OTC: variants seen among roughly 807,000 people sequenced by gnomAD.
OTC encodes ornithine transcarbamylase, mitochondrial.
A neutral mutation model predicts 30.3 loss-of-function variants in OTC; 3 were observed. That is an observed-to-expected ratio of 0.10 (90% CI 0.05 to 0.26). The LOEUF (loss-of-function observed/expected upper bound fraction) is 0.26. Ranked by LOEUF, OTC falls within the 10% of genes least tolerant of loss-of-function variation. OTC has a pLI of 1.00. For missense variants in OTC, 194 were observed against 260.3 expected (o/e 0.75, Z 1.75); for synonymous variants, 111 against 99.7 (o/e 1.11, Z -0.67).
chrX:38,406,717 A>T (rs2068517601), intron 6 of OTC, among the ~76,000 whole-genome samples: 1 of 112,071 alleles, frequency 8.9e-6, no homozygotes, highest in South Asian at 3.7e-4. Context: ...CTCTTCATTT[A>T]TGTTTACCAG....
the OTC span, among the ~76,000 whole-genome samples, chrX:38,340,942 G>A: frequency 4.5e-5 from 5 of 110,175 alleles, no homozygotes; most frequent in African/African-American, 6.6e-5. Flanking sequence ...GATTACAGGC[G>A]CCTGCTACCA....
At chrX:38,330,675 A>G in the OTC span, among the ~76,000 whole-genome samples, 3 of 111,990 alleles carry the variant, frequency 2.7e-5, no homozygotes, top group Non-Finnish European at 5.6e-5. Flanking sequence ...CCATGCAGCA[A>G]TGCACACACA....
chrX:38,364,463 T>C (rs1257220840), intron 1 of OTC, among the ~76,000 whole-genome samples: 1 of 111,982 alleles, frequency 8.9e-6, no homozygotes, highest in Non-Finnish European at 1.9e-5. Flanking sequence ...GTAATTTCTA[T>C]TTGTAGTTGA....
chrX:38,363,283 A>C (rs925399767), intron 1 of OTC, among the ~76,000 whole-genome samples: 5 of 112,107 alleles, frequency 4.5e-5, no homozygotes, highest in Non-Finnish European at 9.4e-5. Context: ...CCCTTTTAAA[A>C]TAATATTAGA....
chrX:38,407,315 G>C (rs1336047113), intron 6 of OTC, among the ~76,000 whole-genome samples: 3 of 112,369 alleles, frequency 2.7e-5, no homozygotes, highest in East Asian at 2.8e-4. Flanking sequence ...GTGCCCAAAG[G>C]GGGCTGACAG....
chrX:38,370,268 G>A lies in OTC; in HGVS notation c.298+391G>A, dbSNP rs185020323. Reference sequence around the variant, plus strand: ...TAGATGGTGGAAATTTAATCTTTGCGATGTTAGGCAATCCTCAGTTGTTTT... The same window carrying A: ...TAGATGGTGGAAATTTAATCTTTGCAATGTTAGGCAATCCTCAGTTGTTTT... On this transcript the variant is annotated intron_variant, in intron 3 of 9. Coordinates refer to ENST00000039007, the MANE Select transcript of OTC (RefSeq NM_000531.6). 8.9e-5 allele frequency among the ~76,000 whole-genome samples: 10 copies of A among 112,216 alleles called. No individual in the cohort carries two copies. The East Asian group carries it at 2.2e-3, about 25-fold the overall frequency.
chrX:38,403,409 G>A (rs2068499047), intron 5 of OTC, among the ~76,000 whole-genome samples: 1 of 104,971 alleles, frequency 9.5e-6, no homozygotes. Flanking sequence ...ATGGTGTCTT[G>A]GTTTAAGATA....
Position 38,421,052 on chromosome X carries a change from C to T in OTC, c.1035C>T (p.Tyr345=). The T allele has an allele frequency of 8.3e-7, 1 of 1,201,774 alleles. No homozygotes were observed. Among genetic ancestry groups the T allele is most frequent in the Non-Finnish European group, 1.1e-6 (1 of 886,668 alleles). ...TCATGGTGTCCCTGCTGACAGATTA[C>T]TCACCTCAGCTCCAGAAGCCTAAAT... The part of the protein sequence containing the change: ...MAVMVSLLTD[Y]SPQLQKPKF The change falls in exon 10 of 10, where the codon TAC becomes TAT. Residue 345 remains tyrosine, a synonymous_variant. Transcript: ENST00000039007.
chrX:38,362,742 C>G (rs192894085), intron 1 of OTC, among the ~76,000 whole-genome samples: 1 of 111,805 alleles, frequency 8.9e-6, no homozygotes, highest in African/African-American at 3.2e-5. Flanking sequence ...TGAGGAAGCC[C>G]CAGAAACTTG....
intron 5 of OTC, 134 bp from the exon 6 acceptor site, chrX:38,403,483 CA>C (rs2068499906): frequency 1.1e-5 from 7 of 640,537 alleles, no homozygotes; most frequent in East Asian, 3.4e-5. Context: ...CTGTGTAATG[CA>C]AAAAAATTGG....
At chrX:38,412,853 AG>A (rs1270252052) in intron 9 of OTC, among the ~76,000 whole-genome samples, 7 of 112,281 alleles carry the variant, frequency 6.2e-5, no homozygotes, top group Non-Finnish European at 1.3e-4. Context: ...CCATATAGCC[AG>A]GGACAACACA....
chrX:38,366,910 A>T (rs2068298955), intron 1 of OTC, among the ~76,000 whole-genome samples: 1 of 112,073 alleles, frequency 8.9e-6, no homozygotes, highest in Admixed American at 9.5e-5. Context: ...AAGAATAAGA[A>T]GATAAAGCAT....
chrX:38,401,537 C>A (rs756675525), intron 5 of OTC, 109 bp downstream of exon 5: 191 of 621,727 alleles, frequency 3.1e-4, no homozygotes, highest in Non-Finnish European at 4.8e-4. Context: ...TTTTCAAATA[C>A]CAGCTTGACA....
chrX:38,367,316 G>A lies in OTC; in HGVS notation c.103G>A (p.Val35Met). 8.3e-7 allele frequency: 1 copy of A among 1,206,331 alleles called. No homozygotes were observed. Among genetic ancestry groups the A allele is most frequent in the Non-Finnish European group, 1.1e-6 (1 of 890,663 alleles). The change falls in exon 2 of 10, where the codon GTG becomes ATG. Residue 35 changes from valine (V) to methionine (M), a missense_variant. Val to Met is a conservative substitution (Grantham distance 21). Transcript: ENST00000039007. ...GTGTGGACAACCACTACAAAATAAA[G>A]TGCAGCTGAAGGGCCGTGACCTTCT... ...FRCGQPLQNK[V>M]QLKGRDLLTL... is the part of the protein sequence containing the mutation.
At position 38,403,769 on chromosome X, in the gene OTC, C is replaced by A. The variant is rs569512666; in HGVS notation, c.663+29C>A. The stretch of plus-strand genomic sequence containing the variant: ...GGGAAACTTTTTGCCTTGAAACTAA[C>A]CCCTCTCTTAAATCATCCTCAGATG... On this transcript the variant is annotated intron_variant, in intron 6 of 9. Transcript: ENST00000039007. 12 of 1,198,913 alleles carry A rather than the reference C, an allele frequency of 1.0e-5. No individual in the cohort carries two copies. The South Asian group carries it at 1.1e-4, about 11-fold the overall frequency.
chrX:38,344,911 A>G, the OTC span, among the ~76,000 whole-genome samples: 3 of 110,817 alleles, frequency 2.7e-5, no homozygotes, highest in African/African-American at 9.8e-5. Context: ...AAAAAAAAGA[A>G]GAAGAATAGG....
rs1030914730 is a variant in OTC, at chrX:38,417,778, G to A, written c.1006-3245G>A. On this transcript the variant is annotated intron_variant, in intron 9 of 9. Coordinates refer to ENST00000039007, the MANE Select transcript of OTC (RefSeq NM_000531.6). Reference sequence around the variant, plus strand: ...ACCACAAAACTACCTTTTAAGAGTAGAGTCATCCAGATTCACCCATGTTGT... The same window carrying A: ...ACCACAAAACTACCTTTTAAGAGTAAAGTCATCCAGATTCACCCATGTTGT... Among the ~76,000 whole-genome samples, 8 of 111,997 alleles carry A rather than the reference G, an allele frequency of 7.1e-5. No individual in the cohort carries two copies. The South Asian group carries it at 2.2e-3, about 31-fold the overall frequency.
intron 4 of OTC, among the ~76,000 whole-genome samples, chrX:38,400,399 G>C (rs1569279168): frequency 8.9e-6 from 1 of 111,978 alleles, no homozygotes; most frequent in Non-Finnish European, 1.9e-5. Context: ...ATTGCTTTCT[G>C]TGTCAGTTCA....
At chrX:38,384,110 G>A in intron 4 of OTC, among the ~76,000 whole-genome samples, 1 of 112,243 alleles carries the variant, frequency 8.9e-6, no homozygotes, top group Non-Finnish European at 1.9e-5. Flanking sequence ...ACAAGTCATT[G>A]GAGATAAAGA....
Sources: gnomAD v4.1 joint callset for allele counts (sites outside exome capture counted in the v4.1 genomes callset) on GRCh38, gnomAD v4.1.1 for gene constraint, MANE v1.5 for transcripts, NCBI Gene and HGNC (gene_info 2026-07-23, HGNC 2026-07-21) for gene names.